The following TPMT variants were observed in gnomAD, a reference collection of about 807,000 sequenced individuals.
TPMT encodes the protein thiopurine S-methyltransferase, also known as S-adenosyl-L-methionine:thiopurine S-methyltransferase.
Under a neutral mutation model 34.2 loss-of-function variants are expected in TPMT, and 18 were observed. The ratio of observed to expected loss-of-function variants is 0.53; its 90% confidence interval spans 0.36 to 0.78. The LOEUF (loss-of-function observed/expected upper bound fraction) is 0.78, where lower values mean the gene tolerates loss of function less well. TPMT is among the 30% of genes least tolerant of loss of function. The probability of loss-of-function intolerance (pLI) is 0.00; values close to 1 mark genes in which losing one functional copy is unlikely to be tolerated. For missense variants in TPMT, 265 were observed against 288.1 expected (o/e 0.92, Z 0.58); for synonymous variants, 69 against 92.4 (o/e 0.75, Z 1.45).
At position 18,143,707 on chromosome 6, in the gene TPMT, A is replaced by G; in HGVS notation, c.255T>C (p.Ser85=). 6.2e-7 allele frequency: 1 copy of G among 1,614,080 alleles called. No individual in the cohort carries two copies. Among genetic ancestry groups the G allele is most frequent in the Non-Finnish European group, 8.5e-7 (1 of 1,180,006 alleles). ...GTTCACTGATTTCCACACCAACTACACTGTGTCCCCGGTCTGCAAACCTGC... is the reference window on the plus strand; with the variant it reads ...GTTCACTGATTTCCACACCAACTACGCTGTGTCCCCGGTCTGCAAACCTGC... The part of the protein sequence containing the change: ...EMKWFADRGH[S]VVGVEISELG... Residue 85 remains serine, a synonymous_variant, in exon 4 of 9, where the codon AGT becomes AGC. Coordinates refer to ENST00000309983, the MANE Select transcript of TPMT (RefSeq NM_000367.5). The surrounding 1 kb of genome is among the most constrained non-coding windows in gnomAD (Gnocchi z 6.1).
rs1472503337 is a variant in TPMT at position 18,139,468 on chromosome 6, G to A, written c.419+197C>T. 6.6e-6 allele frequency among the ~76,000 whole-genome samples: 1 copy of A among 152,108 alleles called. No individual in the cohort carries two copies. Among genetic ancestry groups the A allele is most frequent in the East Asian group, 1.9e-4 (1 of 5,188 alleles). On this transcript the variant is annotated intron_variant, in intron 5 of 8. Transcript: ENST00000309983. This position sits in a 1 kb window ranked among gnomAD's most constrained non-coding sequence, Gnocchi z 4.2. ...GCTGCCTCAGTTTCCCATAGTTTGG[G>A]AGCTAACCAAAGACAAAACACATTA...
intron 4 of TPMT, among the ~76,000 whole-genome samples, chr6:18,141,150 A>G (rs1208937332): frequency 1.3e-5 from 2 of 152,150 alleles, no homozygotes. Context: ...GGGAATTTTT[A>G]TAAGATCCAG....
At chr6:18,151,147 G>T (rs1303792802) in intron 1 of TPMT, among the ~76,000 whole-genome samples, 1 of 149,522 alleles carries the variant, frequency 6.7e-6, no homozygotes, top group Non-Finnish European at 1.5e-5. Flanking sequence ...TTTTCTGAAA[G>T]ATTTACCTTA....
At position 18,136,357 on chromosome 6, in the gene TPMT, A is replaced by T. The variant is rs1418358969; in HGVS notation, c.495-2468T>A. Among the ~76,000 whole-genome samples the T allele has an allele frequency of 6.6e-6, 1 of 152,190 alleles. No individual in the cohort carries two copies. Among genetic ancestry groups the T allele is most frequent in the Non-Finnish European group, 1.5e-5 (1 of 68,032 alleles). The stretch of plus-strand genomic sequence containing the variant: ...TGTGATGTGGATGTTTGGGAGAAAG[A>T]ACAGAGCTGGAAATGTAAAGACTGT... On this transcript the variant is annotated intron_variant, in intron 6 of 8. Transcript: ENST00000309983. This position sits in a 1 kb window ranked among gnomAD's most constrained non-coding sequence, Gnocchi z 4.7.
chr6:18,141,484 T>C (rs1784140723), intron 4 of TPMT, among the ~76,000 whole-genome samples: 1 of 151,818 alleles, frequency 6.6e-6, no homozygotes, highest in Admixed American at 6.6e-5. Flanking sequence ...GGATTATAGG[T>C]ATGCACCACC....
chr6:18,130,537 A>AT lies in TPMT; in HGVS notation c.*130dup, dbSNP rs1415070928. The AT allele has an allele frequency of 1.0e-5, 7 of 684,660 alleles. No homozygotes were observed. In the African/African-American group the frequency reaches 1.1e-4, roughly 11 times the overall value. The allele number at this position is 684,660 out of a possible 1,614,324, so 42.4% of individuals were successfully genotyped here. A position where few individuals can be genotyped will look rare whatever the true frequency, so the allele number is the denominator to read the frequency against. On this transcript the variant is annotated 3_prime_UTR_variant, in exon 9 of 9. Transcript: ENST00000309983. This position sits in a 1 kb window ranked among gnomAD's most constrained non-coding sequence, Gnocchi z 4.2. ...AAGTAAATGGCTTTACTAAAAAGCC[A>AT]TTTTTAGTAAAGATCTATCATATGA...
rs1263090090 is a variant in TPMT at position 18,148,716 on chromosome 6, C to T, written c.140+272G>A. Among the ~76,000 whole-genome samples, 1 of 152,170 alleles carries T rather than the reference C, an allele frequency of 6.6e-6. No homozygotes were observed. Among genetic ancestry groups the T allele is most frequent in the Non-Finnish European group, 1.5e-5 (1 of 68,038 alleles). On this transcript the variant is annotated intron_variant, in intron 2 of 8. Transcript: ENST00000309983. This position sits in a 1 kb window ranked among gnomAD's most constrained non-coding sequence, Gnocchi z 4.1. ...TAGGTATAAATATTCAGGGCCAATA[C>T]ATAGGTGCCGTAGGGATCAAAGAAC...
chr6:18,153,452 G>A lies in TPMT; in HGVS notation c.-45+1581C>T, dbSNP rs569741480. ...GGATTATACTAGCATGCTATTATTGGTGGTTCTAATTTAATGATTAATCTG... is the reference window on the plus strand; with the variant it reads ...GGATTATACTAGCATGCTATTATTGATGGTTCTAATTTAATGATTAATCTG... On this transcript the variant is annotated intron_variant, in intron 1 of 8. Coordinates refer to ENST00000309983, the MANE Select transcript of TPMT (RefSeq NM_000367.5). This position sits in a 1 kb window ranked among gnomAD's most constrained non-coding sequence, Gnocchi z 4.2. Among the ~76,000 whole-genome samples the A allele has an allele frequency of 1.9e-4, 29 of 152,272 alleles. No homozygotes were observed. In the South Asian group the frequency reaches 6.0e-3, roughly 32 times the overall value.
chr6:18,154,354 T>G lies in TPMT; in HGVS notation c.-45+679A>C, dbSNP rs987656873. On this transcript the variant is annotated intron_variant, in intron 1 of 8. Transcript: ENST00000309983. The surrounding 1 kb of genome is among the most constrained non-coding windows in gnomAD (Gnocchi z 4.2). ...TTCTCACCTTTTCAAAAGCTTCTGCTATAGTTTTGTTTTTAAATTTCATAA... is the reference window on the plus strand; with the variant it reads ...TTCTCACCTTTTCAAAAGCTTCTGCGATAGTTTTGTTTTTAAATTTCATAA... 3.9e-5 allele frequency among the ~76,000 whole-genome samples: 6 copies of G among 152,220 alleles called. No individual in the cohort carries two copies. Among genetic ancestry groups the G allele is most frequent in the Non-Finnish European group, 7.3e-5 (5 of 68,044 alleles).
chr6:18,143,895 C>A lies in TPMT; in HGVS notation c.234-167G>T, dbSNP rs1303378053. Among the ~76,000 whole-genome samples the A allele has an allele frequency of 1.3e-5, 2 of 151,848 alleles. No individual in the cohort carries two copies. Among genetic ancestry groups the A allele is most frequent in the African/African-American group, 4.8e-5 (2 of 41,324 alleles). ...AAAGCAGATCTATATTATTTTCAAA[C>A]CTTATAAAAATTCTGAAAAACTGAC... On this transcript the variant is annotated intron_variant, in intron 3 of 8. Transcript: ENST00000309983. The surrounding 1 kb of genome is among the most constrained non-coding windows in gnomAD (Gnocchi z 6.1).
rs72556347 is a variant in TPMT at position 18,132,136 on chromosome 6, A to G, written c.622T>C (p.Phe208Leu). The change falls in exon 8 of 9, where the codon TTT becomes CTT. Residue 208 changes from phenylalanine to leucine, a missense_variant. Phe to Leu is a conservative substitution (Grantham distance 22). Transcript: ENST00000309983. The surrounding 1 kb of genome is among the most constrained non-coding windows in gnomAD (Gnocchi z 4.8). ...YVPHAEIERLFGKICNIRCLE... is the reference protein window; with the variant it reads ...YVPHAEIERLLGKICNIRCLE... ...CAGCATAAGTCCACAAACTTACCAAACAACCTTTCAATTTCAGCATGTGGA... is the reference window on the plus strand; with the variant it reads ...CAGCATAAGTCCACAAACTTACCAAGCAACCTTTCAATTTCAGCATGTGGA... 2.5e-6 allele frequency: 4 copies of G among 1,614,166 alleles called. No individual in the cohort carries two copies. In the East Asian group the frequency reaches 8.9e-5, roughly 36 times the overall value.
intron 4 of TPMT, among the ~76,000 whole-genome samples, chr6:18,141,744 T>C (rs1784146235): frequency 6.6e-6 from 1 of 152,134 alleles, no homozygotes; most frequent in East Asian, 1.9e-4. Flanking sequence ...CCACAACTGA[T>C]TCAGGAGTTA....
rs1783940816 is a variant in TPMT, at chr6:18,131,509, A to G, written c.625+624T>C. On this transcript the variant is annotated intron_variant, in intron 8 of 8. Transcript: ENST00000309983. This position sits in a 1 kb window ranked among gnomAD's most constrained non-coding sequence, Gnocchi z 4.3. ...GTGGGAGGATCACTTGTGCCCAGGG[A>G]GGTCGAGGCTGCAGTGAGCTGTGAT... is the stretch of plus-strand genomic sequence containing the variant. 1.3e-5 allele frequency among the ~76,000 whole-genome samples: 2 copies of G among 152,112 alleles called. No homozygotes were observed. The highest frequency in any genetic ancestry group is 1.3e-4 in the Admixed American group (2 of 15,252).
Position 18,139,694 on chromosome 6 carries a change from C to T in TPMT, c.390G>A (p.Leu130=), listed in dbSNP as rs1784107642. The change falls in exon 5 of 9, where the codon TTG becomes TTA. Residue 130 remains leucine (L), a synonymous_variant. Transcript: ENST00000309983. This position sits in a 1 kb window ranked among gnomAD's most constrained non-coding sequence, Gnocchi z 4.2. ...GAAGATCAAAAATACTGCAACAGTACAATGAAATGTTCCCCGAAGAACTCT... is the reference window on the plus strand; with the variant it reads ...GAAGATCAAAAATACTGCAACAGTATAATGAAATGTTCCCCGAAGAACTCT... ...VFKSSSGNIS[L]YCCSIFDLPR... The T allele has an allele frequency of 6.2e-7, 1 of 1,612,096 alleles. No individual in the cohort carries two copies.
rs116933546 is a variant in TPMT at position 18,136,535 on chromosome 6, C to T, written c.494+2428G>A. Among the ~76,000 whole-genome samples the T allele has an allele frequency of 7.1e-4, 108 of 152,246 alleles. No homozygotes were observed. The East Asian group carries it at 0.019, about 26-fold the overall frequency. ...TTAAAGATTTGATTTTTCAGCCAGG[C>T]GTGGTGGCTTACACCTCTAATCCCA... On this transcript the variant is annotated intron_variant, in intron 6 of 8. Transcript: ENST00000309983. The surrounding 1 kb of genome is among the most constrained non-coding windows in gnomAD (Gnocchi z 4.7).
At position 18,141,557 on chromosome 6, in the gene TPMT, C is replaced by A. The variant is rs1022403931; in HGVS notation, c.367-1840G>T. Among the ~76,000 whole-genome samples the A allele has an allele frequency of 3.3e-5, 5 of 152,218 alleles. No individual in the cohort carries two copies. The East Asian group carries it at 9.7e-4, about 29-fold the overall frequency. On this transcript the variant is annotated intron_variant, in intron 4 of 8. Transcript: ENST00000309983. ...GTTTCGCCATGTTGGCCATGCTGGTCCTGAACTCCTGACCTCAAGTGATCC... is the reference window on the plus strand; with the variant it reads ...GTTTCGCCATGTTGGCCATGCTGGTACTGAACTCCTGACCTCAAGTGATCC...
In TPMT at chr6:18,129,964, T is replaced by C. The variant is rs994813669; in HGVS notation, c.*704A>G. ...CACCTTGAACCCTACTGAAATGTTA[T>C]AGTTCTTCAACAATTCTAAATTTCA... is the stretch of plus-strand genomic sequence containing the variant. On this transcript the variant is annotated 3_prime_UTR_variant, in exon 9 of 9. Transcript: ENST00000309983. The C allele has an allele frequency of 6.6e-6, 1 of 152,384 alleles. No individual in the cohort carries two copies. The highest frequency in any genetic ancestry group is 2.1e-4 in the South Asian group (1 of 4,838). 9.4% of individuals were successfully genotyped at this position (152,384 alleles called of 1,614,324 possible).
At position 18,131,904 on chromosome 6, in the gene TPMT, A is replaced by G. The variant is rs887481079; in HGVS notation, c.625+229T>C. 3.3e-5 allele frequency among the ~76,000 whole-genome samples: 5 copies of G among 152,126 alleles called. No homozygotes were observed. The highest frequency in any genetic ancestry group is 1.2e-4 in the African/African-American group (5 of 41,430). ...GCAATTCCCATGCCTCAGCCTCTCA[A>G]ATAGTTGGGACTACAGGCACATGCC... On this transcript the variant is annotated intron_variant, in intron 8 of 8. Coordinates refer to ENST00000309983, the MANE Select transcript of TPMT (RefSeq NM_000367.5). The surrounding 1 kb of genome is among the most constrained non-coding windows in gnomAD (Gnocchi z 4.3).
intron 3 of TPMT, among the ~76,000 whole-genome samples, chr6:18,144,244 G>A (rs1382000210): frequency 6.6e-6 from 1 of 152,194 alleles, no homozygotes; most frequent in East Asian, 1.9e-4. Context: ...CTGTACTAAA[G>A]TGAACAGGTC....
Sources: gnomAD v4.1 joint callset for allele counts (sites outside exome capture counted in the v4.1 genomes callset) on GRCh38, gnomAD v4.1.1 for gene constraint, Gnocchi (gnomAD v3.1) non-coding constraint, MANE v1.5 for transcripts, NCBI Gene and HGNC (gene_info 2026-07-23, HGNC 2026-07-21) for gene names.